EPHA7: variants seen among roughly 807,000 people sequenced by gnomAD.
The protein encoded by EPHA7 is ephrin type-A receptor 7.
EPHA7 carries 25 observed loss-of-function variants against 112.6 expected under a neutral mutation model. That is an observed-to-expected ratio of 0.22 (90% confidence interval 0.16 to 0.31). The LOEUF (loss-of-function observed/expected upper bound fraction) is 0.31, where lower values mean the gene tolerates loss of function less well. Ranked by LOEUF, EPHA7 falls within the 10% of genes least tolerant of loss-of-function variation. The pLI, the probability that EPHA7 is intolerant of heterozygous loss-of-function variation, is 1.00. For missense variants in EPHA7, 962 were observed against 1,212.6 expected, an observed-to-expected ratio of 0.79 and a Z score of 3.07; for synonymous variants, 437 against 406.5, an observed-to-expected ratio of 1.07 and a Z score of -0.90.
chr6:93,300,929 C>A (rs575338461), intron 5 of EPHA7, among the ~76,000 whole-genome samples: 55 of 152,142 alleles, frequency 3.6e-4, no homozygotes, highest in Admixed American at 7.2e-4. Flanking sequence ...CACTTCTAGG[C>A]TACAAACCTG....
intron 3 of EPHA7, among the ~76,000 whole-genome samples, chr6:93,404,341 C>T (rs540600702): frequency 1.3e-5 from 2 of 152,000 alleles, no homozygotes; most frequent in South Asian, 4.1e-4. Flanking sequence ...TTTGTATCAC[C>T]TTTCAAGATG....
At chr6:93,356,643 C>CTAAA (rs1775961057) in intron 5 of EPHA7, 74 bp downstream of exon 5, 1 of 1,356,990 alleles carries the variant, frequency 7.4e-7, no homozygotes, top group Non-Finnish European at 1.0e-6. Context: ...GAGAAACTAA[C>CTAAA]TAAATGTTCA....
intron 5 of EPHA7, among the ~76,000 whole-genome samples, chr6:93,303,676 AAATT>A (rs1441198435): frequency 2.0e-5 from 3 of 152,274 alleles, no homozygotes; most frequent in East Asian, 1.9e-4. Flanking sequence ...TTTTAAAATT[AAATT>A]AATTAAGCTT....
intron 1 of EPHA7, among the ~76,000 whole-genome samples, chr6:93,418,850 C>T (rs923159347): frequency 3.3e-5 from 5 of 152,280 alleles, no homozygotes; most frequent in Admixed American, 3.3e-4. Flanking sequence ...CAACTCTGGC[C>T]GCAGCTCCCA....
chr6:93,405,900 G>C (rs1470124196), intron 3 of EPHA7, among the ~76,000 whole-genome samples: 1 of 141,584 alleles, frequency 7.1e-6, no homozygotes, highest in Non-Finnish European at 1.5e-5. Flanking sequence ...AAAATTTCAT[G>C]GTACAAATTA....
At chr6:93,371,370 T>A (rs72914284) in intron 3 of EPHA7, among the ~76,000 whole-genome samples, 4,487 of 152,230 alleles carry the variant, frequency 0.029, 91 homozygotes, top group Middle Eastern at 0.065. Flanking sequence ...TTGTAAGTAA[T>A]CTAGAGATTA....
At chr6:93,254,585 T>C in intron 14 of EPHA7, 62 bp downstream of exon 14, 1 of 1,400,234 alleles carries the variant, frequency 7.1e-7, no homozygotes, top group Non-Finnish European at 9.8e-7. Flanking sequence ...TACCTACATG[T>C]TCCAGTAATA....
At chr6:93,302,123 T>C (rs956224720) in intron 5 of EPHA7, among the ~76,000 whole-genome samples, 1 of 152,156 alleles carries the variant, frequency 6.6e-6, no homozygotes, top group African/African-American at 2.4e-5. Flanking sequence ...CTTGAAAGTC[T>C]TAACTACTTC....
At chr6:93,253,984 C>T (rs904956512) in intron 14 of EPHA7, among the ~76,000 whole-genome samples, 6 of 151,874 alleles carry the variant, frequency 4.0e-5, no homozygotes, top group African/African-American at 1.2e-4. Flanking sequence ...GAGATGTATA[C>T]ACGCTCACAT....
chr6:93,277,131 C>A (rs774967389), intron 5 of EPHA7, among the ~76,000 whole-genome samples: 1 of 151,980 alleles, frequency 6.6e-6, no homozygotes, highest in Non-Finnish European at 1.5e-5. Context: ...TCCTATTGTA[C>A]GTTATCAGCA....
intron 3 of EPHA7, among the ~76,000 whole-genome samples, chr6:93,385,942 A>T (rs1777580351): frequency 6.6e-6 from 1 of 152,150 alleles, no homozygotes; most frequent in South Asian, 2.1e-4. Flanking sequence ...GGAGTCAAGG[A>T]AACTCCTTAT....
rs775779069 is a variant in EPHA7, at chr6:93,254,763, C to T, written c.2416G>A (p.Glu806Lys). Residue 806 changes from glutamate (E) to lysine (K), a missense_variant, in exon 14 of 17, where the codon GAA becomes AAA. Physicochemically the swap from Glu to Lys is moderately conservative, Grantham distance 56 (BLOSUM62 1). Transcript: ENST00000369303. Reference protein sequence around the residue: ...GKIPVRWTAPEAIQYRKFTSA... With the variant: ...GKIPVRWTAPKAIQYRKFTSA... ...GTGAATTTCCGGTACTGGATGGCTTCGGGTGCTGTCCACCTTACTGGAATT... is the reference window on the plus strand; with the variant it reads ...GTGAATTTCCGGTACTGGATGGCTTTGGGTGCTGTCCACCTTACTGGAATT... The T allele has an allele frequency of 3.0e-5, 48 of 1,612,628 alleles. No individual in the cohort carries two copies. Among genetic ancestry groups the T allele is most frequent in the Non-Finnish European group, 3.9e-5 (46 of 1,179,174 alleles).
intron 5 of EPHA7, among the ~76,000 whole-genome samples, chr6:93,306,310 T>C (rs1283503505): frequency 6.6e-6 from 1 of 151,996 alleles, no homozygotes; most frequent in African/African-American, 2.4e-5. Context: ...TGTTAGCTTC[T>C]GTTGGGGTGA....
chr6:93,309,591 G>C (rs1773428155), intron 5 of EPHA7, among the ~76,000 whole-genome samples: 1 of 151,796 alleles, frequency 6.6e-6, no homozygotes, highest in Non-Finnish European at 1.5e-5. Context: ...TATTACATAT[G>C]CTATTGAAAT....
chr6:93,347,586 C>G (rs1582565937), intron 5 of EPHA7, among the ~76,000 whole-genome samples: 1 of 151,850 alleles, frequency 6.6e-6, no homozygotes, highest in African/African-American at 2.4e-5. Context: ...GAGTATTAGT[C>G]TGCATTTGTT....
intron 9 of EPHA7, 75 bp downstream of exon 9, chr6:93,263,785 G>C (rs1166854681): frequency 8.3e-7 from 1 of 1,212,054 alleles, no homozygotes; most frequent in African/African-American, 1.5e-5. Flanking sequence ...TGAGGACTTT[G>C]TTAATGCCAA....
intron 5 of EPHA7, among the ~76,000 whole-genome samples, chr6:93,319,367 A>G (rs1773956716): frequency 6.6e-6 from 1 of 152,018 alleles, no homozygotes; most frequent in African/African-American, 2.4e-5. Flanking sequence ...ATTTTAAGGG[A>G]GCAGGAACAG....
intron 3 of EPHA7, among the ~76,000 whole-genome samples, chr6:93,405,373 T>C (rs1451380631): frequency 6.6e-6 from 1 of 151,868 alleles, no homozygotes; most frequent in Middle Eastern, 3.2e-3. Flanking sequence ...AAGGGTTATG[T>C]AAAATATTTT....
At chr6:93,338,617 AAAT>A (rs1273314219) in intron 5 of EPHA7, among the ~76,000 whole-genome samples, 1 of 152,068 alleles carries the variant, frequency 6.6e-6, no homozygotes, top group Non-Finnish European at 1.5e-5. Flanking sequence ...CCTGAATATT[AAAT>A]AATAATCGAA....
Sources: gnomAD v4.1 joint callset for allele counts (sites outside exome capture counted in the v4.1 genomes callset) on GRCh38, gnomAD v4.1.1 for gene constraint, MANE v1.5 for transcripts, NCBI Gene and HGNC (gene_info 2026-07-23, HGNC 2026-07-21) for gene names.